Variants in TIAM2 observed in about 807,000 individuals in gnomAD.
TIAM2 encodes the protein rho guanine nucleotide exchange factor TIAM2.
In TIAM2, 80 loss-of-function variants were observed where a neutral mutation model predicts 152.9. That is an observed-to-expected ratio of 0.52 (90% CI 0.44 to 0.63). The LOEUF is 0.63. Ranked by LOEUF, TIAM2 falls within the 30% of genes least tolerant of loss-of-function variation. TIAM2 has a pLI of 0.00. For synonymous variants in TIAM2, 804 were observed against 838.0 expected (o/e 0.96, Z 0.70); for missense variants, 1,965 against 2,120.1 (o/e 0.93, Z 1.44).
At chr6:155,074,810 C>G (rs1777916837) in intron 1 of TIAM2, among the ~76,000 whole-genome samples, 1 of 137,402 alleles carries the variant, frequency 7.3e-6, no homozygotes, top group Non-Finnish European at 1.5e-5. Context: ...TTTGAAATAG[C>G]GTTAGAACCT....
At chr6:155,239,544 TTTC>T (rs1782928319) in intron 15 of TIAM2, among the ~76,000 whole-genome samples, 1 of 152,224 alleles carries the variant, frequency 6.6e-6, no homozygotes, top group South Asian at 2.1e-4. Context: ...CCTGTGAGGC[TTTC>T]CAGCCAAAGT....
intron 15 of TIAM2, among the ~76,000 whole-genome samples, chr6:155,221,962 T>A (rs560185465): frequency 1.1e-4 from 17 of 152,126 alleles, no homozygotes; most frequent in African/African-American, 2.4e-5. Flanking sequence ...TTATTTATTT[T>A]TGTTTTTTTG....
chr6:155,179,953 A>G (rs989045944), intron 12 of TIAM2, among the ~76,000 whole-genome samples: 1 of 152,120 alleles, frequency 6.6e-6, no homozygotes, highest in African/African-American at 2.4e-5. Flanking sequence ...TGATTGCTTT[A>G]GCTTTACTTC....
At position 155,244,077 on chromosome 6, in the gene TIAM2, G is replaced by A. The variant is rs1783191704; in HGVS notation, c.3415G>A (p.Glu1139Lys). 6.2e-7 allele frequency: 1 copy of A among 1,613,768 alleles called. No homozygotes were observed. The highest frequency in any genetic ancestry group is 8.5e-7 in the Non-Finnish European group (1 of 1,179,826). The change falls in exon 17 of 27, where the codon GAG (glutamate) becomes AAG (lysine). Residue 1139 changes from glutamate (E) to lysine (K), a missense_variant and splice_region_variant. By Grantham distance (56) the Glu-to-Lys change is moderately conservative. This residue lies in a region of TIAM2 where 935 missense variants were observed against 980.0 expected (regional missense o/e 0.95). Transcript: ENST00000682666. ...GAATGAGACCTTTCTTACCCAAGAT[G>A]AGGTAAATAAAATCACCTTCCTTCT... ...LQNETFLTQDEMESLFGSLPE... is the reference protein window; with the variant it reads ...LQNETFLTQDKMESLFGSLPE...
At chr6:155,175,802 G>T (rs747757761) in intron 9 of TIAM2, among the ~76,000 whole-genome samples, 3 of 152,192 alleles carry the variant, frequency 2.0e-5, no homozygotes, top group Non-Finnish European at 4.4e-5. Context: ...GTCAGCAATT[G>T]TTGTGATGAT....
At chr6:155,239,905 T>C (rs1266492457) in intron 15 of TIAM2, among the ~76,000 whole-genome samples, 2 of 148,882 alleles carry the variant, frequency 1.3e-5, no homozygotes, top group Admixed American at 1.3e-4. Flanking sequence ...GTGAGGGTGT[T>C]ACCATCTTCA....
intron 6 of TIAM2, 59 bp from the exon 7 acceptor site, chr6:155,148,051 T>C: frequency 6.4e-7 from 1 of 1,568,034 alleles, no homozygotes. Context: ...CCTGCCATTT[T>C]GGAGAGCACT....
intron 1 of TIAM2, among the ~76,000 whole-genome samples, chr6:155,010,751 T>A (rs1778474218): frequency 6.7e-6 from 1 of 149,432 alleles, no homozygotes; most frequent in South Asian, 2.1e-4. Context: ...GCGCCCAGCT[T>A]ACAAAAATTA....
intron 2 of TIAM2, among the ~76,000 whole-genome samples, chr6:155,094,015 A>G (rs1467663721): frequency 2.0e-5 from 3 of 152,220 alleles, no homozygotes; most frequent in Non-Finnish European, 4.4e-5. Context: ...TGGGCTGTGG[A>G]TAACCTTTGT....
At chr6:155,107,822 G>A (rs1332933732) in intron 2 of TIAM2, among the ~76,000 whole-genome samples, 1 of 152,184 alleles carries the variant, frequency 6.6e-6, no homozygotes, top group Non-Finnish European at 1.5e-5. Flanking sequence ...ATTCATTAGG[G>A]TATTTGAAAC....
chr6:155,029,513 C>CTATAGTATATATACTATAG (rs1202455648), intron 1 of TIAM2, among the ~76,000 whole-genome samples: 10,823 of 21,480 alleles, frequency 0.5, 3,577 homozygotes, highest in East Asian at 0.75. Context: ...ATAATATATA[C>CTATAGTATATATACTATAG]TATATATTAT....
intron 1 of TIAM2, among the ~76,000 whole-genome samples, chr6:155,036,578 G>T (rs12182685): frequency 0.5 from 70,912 of 141,002 alleles, 17,438 homozygotes; most frequent in Admixed American, 0.53. Flanking sequence ...AAAGTTTGGA[G>T]AAATTATTTA....
intron 1 of TIAM2, among the ~76,000 whole-genome samples, chr6:155,018,110 C>T (rs921134890): frequency 5.3e-5 from 8 of 151,864 alleles, no homozygotes; most frequent in Admixed American, 2.0e-4. Context: ...CAGTGGCTCA[C>T]GCCTGTAATC....
intron 1 of TIAM2, among the ~76,000 whole-genome samples, chr6:155,068,150 C>T (rs544724410): frequency 1.3e-5 from 2 of 152,146 alleles, no homozygotes; most frequent in African/African-American, 2.4e-5. Context: ...CTGCCACAGG[C>T]GCCAGAGTTT....
chr6:155,134,762 G>A (rs954032673), intron 4 of TIAM2, among the ~76,000 whole-genome samples: 2 of 152,076 alleles, frequency 1.3e-5, no homozygotes, highest in African/African-American at 4.8e-5. Flanking sequence ...CTGGAGTGCA[G>A]TGGCGTGATC....
chr6:155,011,773 A>G (rs945812901), intron 1 of TIAM2, among the ~76,000 whole-genome samples: 16 of 152,238 alleles, frequency 1.1e-4, no homozygotes, highest in African/African-American at 3.4e-4. Context: ...TTTGATCAGC[A>G]TATCACTGGA....
In TIAM2 at chr6:155,130,118, C is replaced by A; in HGVS notation, c.895C>A (p.Leu299Ile). 1 of 1,614,222 alleles carries A rather than the reference C, an allele frequency of 6.2e-7. No individual in the cohort carries two copies. The change falls in exon 4 of 27, where the codon CTC becomes ATC. Residue 299 changes from leucine (L) to isoleucine (I), a missense_variant. Transcript: ENST00000682666. ...CAACCAAAGCTCTTCCCTCTCCTCCCTCCGGGAACTGTACAAAGATGCCAA... is the reference window on the plus strand; with the variant it reads ...CAACCAAAGCTCTTCCCTCTCCTCCATCCGGGAACTGTACAAAGATGCCAA... ...PFNQSSSLSSLRELYKDANLG... is the reference protein window; with the variant it reads ...PFNQSSSLSSIRELYKDANLG...
intron 7 of TIAM2, among the ~76,000 whole-genome samples, chr6:155,151,998 C>G (rs1365319930): frequency 6.6e-6 from 1 of 151,942 alleles, no homozygotes; most frequent in Non-Finnish European, 1.5e-5. Context: ...GCGCCCGCCA[C>G]CACGCCCGGC....
chr6:155,206,764 A>AT (rs1216344340), intron 14 of TIAM2, among the ~76,000 whole-genome samples: 1 of 152,122 alleles, frequency 6.6e-6, no homozygotes, highest in African/African-American at 2.4e-5. Flanking sequence ...TAAATGTTAG[A>AT]TTTTTTCAAA....
Sources: gnomAD v4.1 joint callset for allele counts (sites outside exome capture counted in the v4.1 genomes callset) on GRCh38, gnomAD v4.1.1 for gene constraint, gnomAD v4.1.1 regional missense constraint, MANE v1.5 for transcripts, NCBI Gene and HGNC (gene_info 2026-07-23, HGNC 2026-07-21) for gene names.